Variants in EPHA5 observed in about 807,000 individuals in gnomAD.
EPHA5 encodes ephrin type-A receptor 5.
A neutral mutation model predicts 105.0 loss-of-function variants in EPHA5; 60 were observed. That is an observed-to-expected ratio of 0.57 (90% CI 0.46 to 0.71). The LOEUF (loss-of-function observed/expected upper bound fraction) is 0.71, where lower values mean the gene tolerates loss of function less well. Ranked by LOEUF, EPHA5 falls within the 30% of genes least tolerant of loss-of-function variation. The pLI, the probability that EPHA5 is intolerant of heterozygous loss-of-function variation, is 0.00. For missense variants in EPHA5, 1,218 were observed against 1,274.7 expected, an observed-to-expected ratio of 0.96 and a Z score of 0.68; for synonymous variants, 513 against 449.1, an observed-to-expected ratio of 1.14 and a Z score of -1.80.
At chr4:65,621,310 C>T (rs1745685919) in intron 2 of EPHA5, among the ~76,000 whole-genome samples, 1 of 152,078 alleles carries the variant, frequency 6.6e-6, no homozygotes. Flanking sequence ...GCATATGTCA[C>T]TGTGGCCAGA....
At chr4:65,342,901 T>A (rs1253789408) in intron 14 of EPHA5, among the ~76,000 whole-genome samples, 3 of 151,866 alleles carry the variant, frequency 2.0e-5, no homozygotes, top group African/African-American at 7.2e-5. Context: ...ACAAGTAAGA[T>A]CTGGGCCAAC....
intron 14 of EPHA5, among the ~76,000 whole-genome samples, chr4:65,346,110 C>A (rs1413472859): frequency 7.3e-6 from 1 of 137,728 alleles, no homozygotes; most frequent in Non-Finnish European, 1.6e-5. Flanking sequence ...ATTTGTAGTT[C>A]TTTTATTTAA....
At chr4:65,528,198 G>A (rs917720555) in intron 3 of EPHA5, among the ~76,000 whole-genome samples, 1 of 152,130 alleles carries the variant, frequency 6.6e-6, no homozygotes, top group African/African-American at 2.4e-5. Context: ...AATTATAAAA[G>A]GGGAACTCAG....
chr4:65,598,828 G>A lies in EPHA5; in HGVS notation c.910+2813C>T, dbSNP rs142757356. ...TGAGAAACTGAAAAAAGTTAGCTTG[G>A]CTAGTGCATAGGGAAGGGGAGAAAG... On this transcript the variant is annotated intron_variant, in intron 3 of 16. Transcript: ENST00000613740. Among the ~76,000 whole-genome samples, 131 of 152,120 alleles carry A rather than the reference G, an allele frequency of 8.6e-4. 1 individual carries two copies. Among genetic ancestry groups the A allele is most frequent in the African/African-American group, 2.9e-3 (121 of 41,530 alleles).
At chr4:65,409,545 T>A (rs891694710) in intron 7 of EPHA5, among the ~76,000 whole-genome samples, 3 of 152,140 alleles carry the variant, frequency 2.0e-5, no homozygotes, top group African/African-American at 7.2e-5. Context: ...ACCCATATTA[T>A]GTGGATATTC....
chr4:65,616,252 G>C (rs1745226543), intron 2 of EPHA5, among the ~76,000 whole-genome samples: 2 of 151,890 alleles, frequency 1.3e-5, no homozygotes, highest in African/African-American at 4.8e-5. Flanking sequence ...GTGGAGAAGA[G>C]CTGAGTAGTT....
At chr4:65,423,338 A>AT (rs200181557) in intron 5 of EPHA5, among the ~76,000 whole-genome samples, 3,593 of 151,856 alleles carry the variant, frequency 0.024, 59 homozygotes, top group Admixed American at 0.06. Flanking sequence ...CCACTATAAC[A>AT]TTTTTTCCCC....
At chr4:65,404,315 A>T in intron 8 of EPHA5, 59 bp downstream of exon 8, 1 of 1,431,482 alleles carries the variant, frequency 7.0e-7, no homozygotes, top group Non-Finnish European at 9.8e-7. Context: ...CCAAATGGTC[A>T]GATCAAGGTG....
At chr4:65,587,254 G>A (rs1742210372) in intron 3 of EPHA5, among the ~76,000 whole-genome samples, 1 of 151,994 alleles carries the variant, frequency 6.6e-6, no homozygotes, top group South Asian at 2.1e-4. Flanking sequence ...AGGTACAGAG[G>A]ATGCTCCCAC....
intron 1 of EPHA5, among the ~76,000 whole-genome samples, chr4:65,652,543 A>G (rs537365119): frequency 1.3e-5 from 2 of 152,236 alleles, no homozygotes; most frequent in South Asian, 4.1e-4. Context: ...TATAGCTGAA[A>G]TCTAAATCCA....
intron 5 of EPHA5, among the ~76,000 whole-genome samples, chr4:65,445,087 T>G (rs921506385): frequency 5.3e-5 from 8 of 152,244 alleles, no homozygotes; most frequent in Admixed American, 4.6e-4. Context: ...TTTTCTAGTC[T>G]GCAAATGTCT....
chr4:65,464,056 A>G (rs1216563717), intron 5 of EPHA5, among the ~76,000 whole-genome samples: 1 of 151,650 alleles, frequency 6.6e-6, no homozygotes, highest in Non-Finnish European at 1.5e-5. Context: ...TTTTTTTTGG[A>G]GACCTCAAAG....
chr4:65,555,852 T>C (rs1738385632), intron 3 of EPHA5, among the ~76,000 whole-genome samples: 1 of 152,132 alleles, frequency 6.6e-6, no homozygotes, highest in Admixed American at 6.6e-5. Flanking sequence ...ATTTTCAGCC[T>C]GTATTTATTT....
chr4:65,414,633 G>A (rs1212979274), intron 6 of EPHA5, among the ~76,000 whole-genome samples, 190 bp from the exon 7 acceptor site: 1 of 152,076 alleles, frequency 6.6e-6, no homozygotes, highest in Admixed American at 6.6e-5. Flanking sequence ...GTCTTTTCTA[G>A]AACTCAAGGT....
chr4:65,617,618 T>A (rs575862183), intron 2 of EPHA5, among the ~76,000 whole-genome samples: 2 of 152,266 alleles, frequency 1.3e-5, no homozygotes, highest in South Asian at 4.1e-4. Context: ...AACTCTGAAA[T>A]GTTGCCAGCC....
intron 3 of EPHA5, 72 bp downstream of exon 3, chr4:65,601,569 C>A (rs2149436258): frequency 7.5e-7 from 1 of 1,340,636 alleles, no homozygotes; most frequent in Non-Finnish European, 1.0e-6. Context: ...TCCTCATAAT[C>A]ATTGGAGGAA....
At chr4:65,492,832 A>G (rs1731544656) in intron 4 of EPHA5, among the ~76,000 whole-genome samples, 1 of 152,098 alleles carries the variant, frequency 6.6e-6, no homozygotes, top group Non-Finnish European at 1.5e-5. Flanking sequence ...GTTAAATGGT[A>G]TTTCTGGAAA....
chr4:65,428,801 T>C (rs1398971303), intron 5 of EPHA5, among the ~76,000 whole-genome samples: 1 of 152,020 alleles, frequency 6.6e-6, no homozygotes, highest in African/African-American at 2.4e-5. Flanking sequence ...GTTGAAATCA[T>C]ACACTTTAAA....
chr4:65,475,118 T>G (rs1398828948), intron 5 of EPHA5, among the ~76,000 whole-genome samples: 1 of 152,208 alleles, frequency 6.6e-6, no homozygotes, highest in Non-Finnish European at 1.5e-5. Context: ...ATGCTATTAC[T>G]ATTGAGTTCA....
Sources: allele counts gnomAD v4.1 joint callset (sites outside exome capture counted in the v4.1 genomes callset), GRCh38; gene constraint gnomAD v4.1.1; transcripts MANE v1.5; gene names NCBI Gene and HGNC (gene_info 2026-07-23, HGNC 2026-07-21).